RBFOX1: variants seen among roughly 807,000 people sequenced by gnomAD.
The protein encoded by RBFOX1 is RNA binding fox-1 homolog 1, also known as RNA binding protein fox-1 homolog 1.
Under a neutral mutation model 57.7 loss-of-function variants are expected in RBFOX1, and 8 were observed. That is an observed-to-expected ratio of 0.14 (90% CI 0.08 to 0.25). RBFOX1 has a LOEUF of 0.25. RBFOX1 is among the 10% of genes least tolerant of loss of function. RBFOX1 has a pLI of 1.00. For missense variants in RBFOX1, 611 were observed against 548.5 expected, an observed-to-expected ratio of 1.11 and a Z score of -1.14; for synonymous variants, 326 against 222.4, an observed-to-expected ratio of 1.47 and a Z score of -4.15.
chr16:6,357,499 C>A (rs1037630574), intron 2 of RBFOX1, among the ~76,000 whole-genome samples: 7 of 152,006 alleles, frequency 4.6e-5, no homozygotes, highest in African/African-American at 1.7e-4. Flanking sequence ...TTGGAAAGAG[C>A]TGTTGAGGGT....
intron 3 of RBFOX1, among the ~76,000 whole-genome samples, chr16:6,852,354 T>A (rs2142017744): frequency 6.6e-6 from 1 of 152,166 alleles, no homozygotes; most frequent in East Asian, 1.9e-4. Context: ...TAATCCAGGT[T>A]GATCACCCAT....
chr16:6,333,943 G>A (rs899445745), intron 2 of RBFOX1, among the ~76,000 whole-genome samples: 3 of 152,288 alleles, frequency 2.0e-5, no homozygotes, highest in Non-Finnish European at 4.4e-5. Flanking sequence ...TTAGTACCCC[G>A]AGGGCCAAAG....
At chr16:6,944,863 G>C (rs1261554749) in intron 3 of RBFOX1, among the ~76,000 whole-genome samples, 1 of 152,172 alleles carries the variant, frequency 6.6e-6, no homozygotes, top group Non-Finnish European at 1.5e-5. Flanking sequence ...AACTCCAATT[G>C]ATTGATGATG....
chr16:7,292,057 G>GTATATATTATA (rs1399279491), intron 4 of RBFOX1, among the ~76,000 whole-genome samples: 1 of 73,622 alleles, frequency 1.4e-5, no homozygotes, highest in East Asian at 4.0e-4. Flanking sequence ...ATTACATATT[G>GTATATATTATA]TATATATTAT....
intron 4 of RBFOX1, among the ~76,000 whole-genome samples, chr16:7,246,001 T>C (rs1267936232): frequency 6.6e-6 from 1 of 151,878 alleles, no homozygotes; most frequent in African/African-American, 2.4e-5. Flanking sequence ...GAAATTTGTT[T>C]TTCCACTTCA....
At chr16:6,852,478 G>A (rs1335982584) in intron 3 of RBFOX1, among the ~76,000 whole-genome samples, 2 of 152,134 alleles carry the variant, frequency 1.3e-5, no homozygotes, top group Admixed American at 1.3e-4. Flanking sequence ...GGCTTATTAG[G>A]GTAAGTGTGA....
At chr16:6,011,226 T>G (rs2152338371) in intron 4 of RBFOX1, among the ~76,000 whole-genome samples, 1 of 152,376 alleles carries the variant, frequency 6.6e-6, no homozygotes, top group African/African-American at 2.4e-5. Context: ...ATTCATTAAC[T>G]ATTTACACCT....
intron 2 of RBFOX1, among the ~76,000 whole-genome samples, chr16:5,562,832 T>A (rs149798333): frequency 6.6e-6 from 1 of 152,170 alleles, no homozygotes; most frequent in Admixed American, 6.5e-5. Flanking sequence ...GGAACTACCT[T>A]TAGGCAAACT....
chr16:5,534,083 C>G (rs906953869), intron 2 of RBFOX1, among the ~76,000 whole-genome samples: 1 of 152,114 alleles, frequency 6.6e-6, no homozygotes, highest in East Asian at 1.9e-4. Flanking sequence ...TGCCACCTGC[C>G]AGTTGCTGCC....
intron 4 of RBFOX1, among the ~76,000 whole-genome samples, chr16:7,083,363 A>G (rs1410985185): frequency 6.6e-6 from 1 of 152,020 alleles, no homozygotes. Context: ...CCACATGTTC[A>G]AGCAGGTGGG....
At chr16:6,972,411 G>A (rs986969364) in intron 3 of RBFOX1, among the ~76,000 whole-genome samples, 1 of 152,040 alleles carries the variant, frequency 6.6e-6, no homozygotes, top group Non-Finnish European at 1.5e-5. Flanking sequence ...CCATGGTGTA[G>A]GATGTTTCTT....
intron 1 of RBFOX1, among the ~76,000 whole-genome samples, chr16:5,398,419 C>A (rs748204994): frequency 6.6e-6 from 1 of 151,720 alleles, no homozygotes; most frequent in Non-Finnish European, 1.5e-5. Context: ...GATTGTGTAT[C>A]TGTAGGTACG....
intron 3 of RBFOX1, among the ~76,000 whole-genome samples, chr16:6,673,990 G>T (rs958965252): frequency 4.6e-5 from 7 of 152,178 alleles, no homozygotes; most frequent in African/African-American, 1.7e-4. Flanking sequence ...GGGAGAAACA[G>T]TGAGGGAGGA....
intron 1 of RBFOX1, among the ~76,000 whole-genome samples, chr16:5,303,474 G>C (rs2063855143): frequency 6.6e-6 from 1 of 152,160 alleles, no homozygotes; most frequent in South Asian, 2.1e-4. Context: ...TTCCATCACA[G>C]CTGCTTCCCT....
chr16:6,977,847 C>T (rs1322919249), intron 3 of RBFOX1, among the ~76,000 whole-genome samples: 2 of 150,310 alleles, frequency 1.3e-5, no homozygotes, highest in Non-Finnish European at 2.9e-5. Context: ...TGAAAAGCTG[C>T]TTCCCAATCT....
intron 1 of RBFOX1, among the ~76,000 whole-genome samples, chr16:6,286,409 A>C (rs1024258040): frequency 1.3e-5 from 2 of 152,208 alleles, no homozygotes; most frequent in African/African-American, 4.8e-5. Context: ...TCTGTGTCCT[A>C]CAGCCTGGCT....
At position 5,856,187 on chromosome 16, in the gene RBFOX1, C is replaced by CTCTCTA. The variant is rs1430331422; in HGVS notation, c.319-11115_319-11114insCTCTAT. On this transcript the variant is annotated intron_variant, in intron 3 of 19. Transcript: ENST00000641259. The stretch of plus-strand genomic sequence containing the variant: ...TCTCTCTCTCTCTCTCTCTCTCTCT[C>CTCTCTA]TATATATATATATATATATACATAT... 6.4e-4 allele frequency among the ~76,000 whole-genome samples: 20 copies of CTCTCTA among 31,070 alleles called. 1 individual carries two copies. The highest frequency in any genetic ancestry group is 3.6e-3 in the South Asian group (3 of 830). 20.4% of individuals were successfully genotyped at this position (31,070 alleles called of 152,430 possible).
At chr16:6,904,872 C>G (rs972443706) in intron 3 of RBFOX1, among the ~76,000 whole-genome samples, 3 of 152,076 alleles carry the variant, frequency 2.0e-5, no homozygotes, top group African/African-American at 4.8e-5. Flanking sequence ...TGAAGTTTCT[C>G]TCTATTACAC....
At position 7,419,451 on chromosome 16, in the gene RBFOX1, A is replaced by C. The variant is rs924707286; in HGVS notation, c.28-98696A>C. On this transcript the variant is annotated intron_variant, in intron 4 of 15. Transcript: ENST00000550418. ...CCCACTCCCGCCTTGGCGCAATGCA[A>C]CCGGCACCTTTGAGGGGGCAGATTG... Among the ~76,000 whole-genome samples, 36 of 152,276 alleles carry C rather than the reference A, an allele frequency of 2.4e-4. No homozygotes were observed. The Middle Eastern group carries it at 0.014, about 58-fold the overall frequency.
Sources: allele counts gnomAD v4.1 joint callset (sites outside exome capture counted in the v4.1 genomes callset), GRCh38; gene constraint gnomAD v4.1.1; transcripts MANE v1.5; gene names NCBI Gene and HGNC (gene_info 2026-07-23, HGNC 2026-07-21).